The following ZNF454 variants were observed in gnomAD, a reference collection of about 807,000 sequenced individuals.
The protein encoded by ZNF454 is zinc finger protein 454.
ZNF454 carries 30 observed loss-of-function variants against 48.2 expected under a neutral mutation model. The observed-to-expected ratio is 0.62, with a 90% CI of 0.47 to 0.84. The LOEUF is 0.84. ZNF454 is among the 40% of genes least tolerant of loss of function. The pLI, the probability that ZNF454 is intolerant of heterozygous loss-of-function variation, is 0.00. For missense variants in ZNF454, 510 were observed against 623.1 expected, an observed-to-expected ratio of 0.82 and a Z score of 1.93; for synonymous variants, 204 against 211.4, an observed-to-expected ratio of 0.97 and a Z score of 0.30.
rs915836184 is a variant in ZNF454 at position 178,944,958 on chromosome 5, G to A, written c.34-1401G>A. ...GACTAGTTCTAATCAGAAGGAACAA[G>A]TTTCCTATTGTGCAGAATGACTGGT... On this transcript the variant is annotated intron_variant, in intron 2 of 4. Coordinates refer to ENST00000519564, the MANE Select transcript of ZNF454 (RefSeq NM_001178089.3). This position sits in a 1 kb window ranked among gnomAD's most constrained non-coding sequence, Gnocchi z 4.1. Among the ~76,000 whole-genome samples the A allele has an allele frequency of 6.6e-6, 1 of 152,006 alleles. No homozygotes were observed. Among genetic ancestry groups the A allele is most frequent in the Admixed American group, 6.6e-5 (1 of 15,242 alleles).
the ZNF454 span, chr5:178,989,127 G>A: frequency 4.8e-5 from 77 of 1,613,716 alleles, no homozygotes; most frequent in Non-Finnish European, 6.0e-5. Context: ...CGGCCGATGC[G>A]TTCCTCGCCT....
At chr5:178,984,079 G>C in the ZNF454 span, among the ~76,000 whole-genome samples, 12 of 152,246 alleles carry the variant, frequency 7.9e-5, no homozygotes, top group Non-Finnish European at 1.8e-4. Context: ...GCAGACCCCT[G>C]AACAAAGGAC....
At chr5:178,950,755 TATC>T (rs905000062) in intron 4 of ZNF454, among the ~76,000 whole-genome samples, 4 of 152,152 alleles carry the variant, frequency 2.6e-5, no homozygotes, top group African/African-American at 9.6e-5. Flanking sequence ...AACTATGTAT[TATC>T]TATTATTTTA....
chr5:178,969,838 G>T (rs1561711112), downstream of ZNF454: 1 of 340,072 alleles, frequency 2.9e-6, no homozygotes. Flanking sequence ...GGGCTTCTGG[G>T]AACAGCCACT....
Position 178,946,223 on chromosome 5 carries a change from T to G in ZNF454, c.34-136T>G. 8.5e-7 allele frequency: 1 copy of G among 1,173,976 alleles called. No homozygotes were observed. Among genetic ancestry groups the G allele is most frequent in the Non-Finnish European group, 1.2e-6 (1 of 832,344 alleles). The allele number at this position is 1,173,976 out of a possible 1,614,324, so 72.7% of individuals were successfully genotyped here. A position where few individuals can be genotyped will look rare whatever the true frequency, so the allele number is the denominator to read the frequency against. On this transcript the variant is annotated intron_variant, in intron 2 of 4. Coordinates refer to ENST00000519564, the MANE Select transcript of ZNF454 (RefSeq NM_001178089.3). The surrounding 1 kb of genome is among the most constrained non-coding windows in gnomAD (Gnocchi z 4.5). Reference sequence around the variant, plus strand: ...AGGAGACCCTGAAGAGTGATGAACTTGTCACAGAACGCCAGCTCCCTGTGT... The same window carrying G: ...AGGAGACCCTGAAGAGTGATGAACTGGTCACAGAACGCCAGCTCCCTGTGT...
At chr5:178,985,442 G>C in the ZNF454 span, among the ~76,000 whole-genome samples, 1 of 150,814 alleles carries the variant, frequency 6.6e-6, no homozygotes, top group Non-Finnish European at 1.5e-5. Context: ...AGCGGCTCCC[G>C]CCTGTCATCC....
At chr5:178,967,716 T>C (rs17664194), downstream of ZNF454, among the ~76,000 whole-genome samples, 11,197 of 117,384 alleles carry the variant, frequency 0.095, 547 homozygotes, top group Non-Finnish European at 0.14. Flanking sequence ...TCCTTTACCC[T>C]GTTTTTTTTT....
the ZNF454 span, chr5:178,986,940 C>T: frequency 1.8e-4 from 289 of 1,614,080 alleles, no homozygotes; most frequent in African/African-American, 3.0e-3. Context: ...ACCGCCCGGG[C>T]GCATCTCCGT....
At chr5:178,958,240 C>T in intron 4 of ZNF454, among the ~76,000 whole-genome samples, 1 of 152,188 alleles carries the variant, frequency 6.6e-6, no homozygotes, top group East Asian at 1.9e-4. Flanking sequence ...ACGTTACCAG[C>T]ACCCCTTGTA....
chr5:178,981,206 C>G, the ZNF454 span: 1 of 192,392 alleles, frequency 5.2e-6, no homozygotes, highest in Non-Finnish European at 1.1e-5. The surrounding 1 kb of genome is among the most constrained non-coding windows in gnomAD (Gnocchi z 5.1). Context: ...TCTCCTCTTG[C>G]TGAGACAGCT....
intron 4 of ZNF454, among the ~76,000 whole-genome samples, chr5:178,950,489 G>A (rs940989557): frequency 2.6e-5 from 4 of 152,152 alleles, no homozygotes; most frequent in Admixed American, 1.3e-4. Flanking sequence ...AGACTCGCCC[G>A]ACCCTTCAAG....
At chr5:178,985,540 A>G in the ZNF454 span, 1 of 337,528 alleles carries the variant, frequency 3.0e-6, no homozygotes, top group Non-Finnish European at 5.8e-6. Flanking sequence ...TGTCTCTACT[A>G]AAAATACAAA....
intron 4 of ZNF454, 119 bp downstream of exon 4, chr5:178,947,105 C>T: frequency 1.3e-6 from 1 of 788,498 alleles, no homozygotes; most frequent in Non-Finnish European, 2.1e-6. Flanking sequence ...GAGCCTGTTT[C>T]ACATTCGTTC....
intron 4 of ZNF454, among the ~76,000 whole-genome samples, chr5:178,957,502 T>TG (rs1376312735): frequency 1.4e-4 from 22 of 151,958 alleles, no homozygotes; most frequent in African/African-American, 5.3e-4. Context: ...CTCCACCTCC[T>TG]GGGTTTAGGC....
chr5:178,972,842 G>A, the ZNF454 span, among the ~76,000 whole-genome samples: 1 of 152,130 alleles, frequency 6.6e-6, no homozygotes, highest in Non-Finnish European at 1.5e-5. Context: ...TGGAAAGGCA[G>A]CAGTTTTTAC....
intron 4 of ZNF454, among the ~76,000 whole-genome samples, chr5:178,959,909 TTTTTCTTTTCTTTTCTTTTTTTCTTTC>T (rs1759935464): frequency 6.7e-6 from 1 of 149,534 alleles, no homozygotes; most frequent in Non-Finnish European, 1.5e-5. Context: ...CCGGCCCCTT[TTTTTCTTTTCTTTTCTTTTTTTCTTTC>T]TTTTCTTTTC....
the ZNF454 span, chr5:178,983,362 C>A: frequency 1.3e-6 from 1 of 772,062 alleles, no homozygotes; most frequent in Non-Finnish European, 2.2e-6. Flanking sequence ...TGGTGGCTCT[C>A]AGGAGCACTC....
Position 178,944,014 on chromosome 5 carries a change from G to A in ZNF454, c.33+1190G>A, listed in dbSNP as rs562963917. 1.5e-3 allele frequency among the ~76,000 whole-genome samples: 233 copies of A among 152,306 alleles called. No individual in the cohort carries two copies. Among genetic ancestry groups the A allele is most frequent in the Non-Finnish European group, 2.3e-3 (158 of 68,024 alleles). On this transcript the variant is annotated intron_variant, in intron 2 of 4. Coordinates refer to ENST00000519564, the MANE Select transcript of ZNF454 (RefSeq NM_001178089.3). This position sits in a 1 kb window ranked among gnomAD's most constrained non-coding sequence, Gnocchi z 4.1. ...TGCACTCCAGCCTGAGTGACAGAGC[G>A]AGACTCCATCTCAAAAATAAAAAAT...
the ZNF454 span, chr5:178,989,089 CT>C: frequency 1.2e-6 from 2 of 1,614,094 alleles, no homozygotes; most frequent in African/African-American, 1.3e-5. Context: ...CAAACTGCAC[CT>C]TGCCCTCCTG....
Sources: allele counts gnomAD v4.1 joint callset (sites outside exome capture counted in the v4.1 genomes callset), GRCh38; gene constraint gnomAD v4.1.1; non-coding constraint Gnocchi (gnomAD v3.1); transcripts MANE v1.5; gene names NCBI Gene and HGNC (gene_info 2026-07-23, HGNC 2026-07-21).